Variants in MDGA2 observed in about 807,000 individuals in gnomAD.
MDGA2 encodes the protein MAM domain-containing glycosylphosphatidylinositol anchor protein 2.
In MDGA2, 40 loss-of-function variants were observed where a neutral mutation model predicts 117.8. That is an observed-to-expected ratio of 0.34 (90% CI 0.26 to 0.44). MDGA2 has a LOEUF of 0.44. MDGA2 is among the 20% of genes least tolerant of loss of function. The pLI, the probability that MDGA2 is intolerant of heterozygous loss-of-function variation, is 1.00. For synonymous variants in MDGA2, 452 were observed against 439.0 expected, an observed-to-expected ratio of 1.03 and a Z score of -0.37; for missense variants, 1,123 against 1,250.6, an observed-to-expected ratio of 0.90 and a Z score of 1.54.
At chr14:47,363,961 G>A (rs1186660445) in intron 1 of MDGA2, among the ~76,000 whole-genome samples, 1 of 152,094 alleles carries the variant, frequency 6.6e-6, no homozygotes, top group Non-Finnish European at 1.5e-5. Context: ...ATACCTTAAA[G>A]TGTTCATAAA....
At chr14:47,280,343 A>AAG (rs769947855) in intron 2 of MDGA2, among the ~76,000 whole-genome samples, 5,886 of 136,254 alleles carry the variant, frequency 0.043, 312 homozygotes, top group Non-Finnish European at 0.064. Flanking sequence ...AAAAAAAAAA[A>AAG]AGAGAGATTG....
chr14:47,351,270 C>T (rs1004198575), intron 1 of MDGA2, among the ~76,000 whole-genome samples: 1 of 151,722 alleles, frequency 6.6e-6, no homozygotes, highest in South Asian at 2.1e-4. Context: ...TTAGTAGAGA[C>T]GGGGCTTCAC....
At chr14:46,904,153 C>G (rs1212841400) in intron 10 of MDGA2, among the ~76,000 whole-genome samples, 3 of 151,990 alleles carry the variant, frequency 2.0e-5, no homozygotes, top group Non-Finnish European at 4.4e-5. Context: ...CACTTGAGGT[C>G]AGGAGTTCAA....
intron 1 of MDGA2, among the ~76,000 whole-genome samples, chr14:47,541,133 A>C (rs1215109017): frequency 6.6e-6 from 1 of 152,164 alleles, no homozygotes; most frequent in Non-Finnish European, 1.5e-5. Flanking sequence ...CCCTGAGTGA[A>C]GTGATGAATG....
chr14:47,514,544 C>G (rs918754002), intron 1 of MDGA2, among the ~76,000 whole-genome samples: 3 of 152,102 alleles, frequency 2.0e-5, no homozygotes, highest in African/African-American at 7.2e-5. Flanking sequence ...TTGACACCAG[C>G]CCTGGGACTA....
chr14:47,470,362 G>A (rs138725420), intron 1 of MDGA2, among the ~76,000 whole-genome samples: 369 of 151,056 alleles, frequency 2.4e-3, no homozygotes, highest in African/African-American at 5.7e-3. Flanking sequence ...GCGAACATGC[G>A]GTGTTTGGTT....
chr14:47,172,718 T>G lies in MDGA2; in HGVS notation c.596-28444A>C, dbSNP rs544646202. Among the ~76,000 whole-genome samples the G allele has an allele frequency of 5.5e-3, 842 of 152,058 alleles. 8 individuals are homozygous for G. Among genetic ancestry groups the G allele is most frequent in the African/African-American group, 0.02 (810 of 41,468 alleles). On this transcript the variant is annotated intron_variant, in intron 3 of 16. Coordinates refer to ENST00000399232, the MANE Select transcript of MDGA2 (RefSeq NM_001113498.3). ...TGGGGAAAAAACAGAGCAGAAAAAC[T>G]GGGAACTCTAAAAAGCAGAGCGCCT...
intron 1 of MDGA2, among the ~76,000 whole-genome samples, chr14:47,424,360 C>A (rs1449385150): frequency 1.3e-5 from 2 of 151,328 alleles, no homozygotes; most frequent in Admixed American, 1.3e-4. Flanking sequence ...GAGATGCAGG[C>A]TACAGTGAAC....
intron 1 of MDGA2, among the ~76,000 whole-genome samples, chr14:47,598,101 G>A: frequency 6.6e-6 from 1 of 152,082 alleles, no homozygotes; most frequent in East Asian, 1.9e-4. Flanking sequence ...ATGCAAACCA[G>A]AGCCACAAAG....
intron 8 of MDGA2, among the ~76,000 whole-genome samples, chr14:46,969,569 T>C (rs143564264): frequency 0.12 from 17,965 of 152,138 alleles, 2,024 homozygotes; most frequent in African/African-American, 0.27. Context: ...TGTCTGTTCA[T>C]ATCCTTCACC....
intron 14 of MDGA2, among the ~76,000 whole-genome samples, chr14:46,864,366 T>C (rs1881639012): frequency 6.6e-6 from 1 of 150,382 alleles, no homozygotes; most frequent in Non-Finnish European, 1.5e-5. Flanking sequence ...ACTTCAAACA[T>C]TCTAACTTAA....
chr14:47,364,518 C>A (rs887434581), intron 1 of MDGA2, among the ~76,000 whole-genome samples: 1 of 152,174 alleles, frequency 6.6e-6, no homozygotes, highest in African/African-American at 2.4e-5. Context: ...CCCGCCTCGG[C>A]CTCCCAACGT....
chr14:47,119,143 T>C (rs1183106603), intron 5 of MDGA2, among the ~76,000 whole-genome samples: 42 of 114,572 alleles, frequency 3.7e-4, no homozygotes, highest in East Asian at 2.6e-3. Context: ...CTCCGCCTCC[T>C]GGGTTCACGC....
rs549523895 is a variant in MDGA2 at position 47,174,803 on chromosome 14, G to C, written c.596-30529C>G. Among the ~76,000 whole-genome samples, 63 of 151,868 alleles carry C rather than the reference G, an allele frequency of 4.1e-4. 1 individual carries two copies. The highest frequency in any genetic ancestry group is 1.7e-3 in the Admixed American group (26 of 15,232). ...AGGCAAGAAATAACTAAAATCAGAG[G>C]AGAACTGAAGGAAATAGAGACACAA... is the stretch of plus-strand genomic sequence containing the variant. On this transcript the variant is annotated intron_variant, in intron 3 of 16. Coordinates refer to ENST00000399232, the MANE Select transcript of MDGA2 (RefSeq NM_001113498.3).
intron 4 of MDGA2, among the ~76,000 whole-genome samples, chr14:47,142,542 G>T (rs1051794037): frequency 6.6e-6 from 1 of 152,106 alleles, no homozygotes; most frequent in Non-Finnish European, 1.5e-5. Context: ...ATGTTATCAT[G>T]TTTTACAAGA....
chr14:46,864,543 C>CTTTTTTTTT (rs1566496919), intron 14 of MDGA2, among the ~76,000 whole-genome samples: 1 of 17,190 alleles, frequency 5.8e-5, no homozygotes, highest in African/African-American at 1.9e-4. Context: ...GCAGATATTG[C>CTTTTTTTTT]TGTTTTTTTT....
At chr14:47,639,835 G>T (rs1897390618) in intron 1 of MDGA2, among the ~76,000 whole-genome samples, 1 of 152,044 alleles carries the variant, frequency 6.6e-6, no homozygotes, top group Admixed American at 6.6e-5. Flanking sequence ...ACACTGCCTG[G>T]ACAATCTCAA....
intron 1 of MDGA2, among the ~76,000 whole-genome samples, chr14:47,639,634 C>T (rs1897386384): frequency 6.6e-6 from 1 of 152,108 alleles, no homozygotes; most frequent in Non-Finnish European, 1.5e-5. Context: ...TATTTTTATT[C>T]TTCTTTTATT....
At chr14:47,119,494 G>C (rs1210181789) in intron 5 of MDGA2, among the ~76,000 whole-genome samples, 1 of 152,104 alleles carries the variant, frequency 6.6e-6, no homozygotes, top group Admixed American at 6.5e-5. Context: ...GAATATTTCA[G>C]TTCCTTAAAA....
Sources: allele counts gnomAD v4.1 joint callset (sites outside exome capture counted in the v4.1 genomes callset), GRCh38; gene constraint gnomAD v4.1.1; transcripts MANE v1.5; gene names NCBI Gene and HGNC (gene_info 2026-07-23, HGNC 2026-07-21).